Variants in TMEM230 observed in about 807,000 individuals in gnomAD.
The protein encoded by TMEM230 is UPF0414 transmembrane protein C20orf30.
A neutral mutation model predicts 15.8 loss-of-function variants in TMEM230; 10 were observed. That is an observed-to-expected ratio of 0.63 (90% CI 0.39 to 1.07). TMEM230 has a LOEUF of 1.07. TMEM230 is among the 50% of genes least tolerant of loss of function. The pLI, the probability that TMEM230 is intolerant of heterozygous loss-of-function variation, is 0.01. For synonymous variants in TMEM230, 67 were observed against 76.9 expected (o/e 0.87, Z 0.68); for missense variants, 165 against 193.3 (o/e 0.85, Z 0.87).
exon 4 of TMEM230, chr20:5,068,872 C>T (rs1470793946): frequency 4.1e-6 from 1 of 246,178 alleles, no homozygotes; most frequent in East Asian, 1.1e-4. Flanking sequence ...TCTTCAGCAT[C>T]GCTCTCAGTA....
downstream of TMEM230, among the ~76,000 whole-genome samples, chr20:5,063,752 A>T (rs530850005): frequency 6.6e-6 from 1 of 152,288 alleles, no homozygotes; most frequent in African/African-American, 2.4e-5. Flanking sequence ...GTATTCTCTG[A>T]CCATGATGAA....
At position 5,106,224 on chromosome 20, in the gene TMEM230, T is replaced by C. The variant is rs148033002; in HGVS notation, c.375A>G (p.Ile125Met). ...TGTAGCCTGACAGCAGGAGGGAGCC[T>C]ATAATAATGAGAAAGGCGCCAATCA... The change falls in exon 4 of 5, where the codon ATA (isoleucine) becomes ATG (methionine). Residue 125 changes from isoleucine (I) to methionine (M), a missense_variant. Transcript: ENST00000342308. The C allele has an allele frequency of 1.0e-3, 1,674 of 1,613,916 alleles. 1 individual carries two copies. The highest frequency in any genetic ancestry group is 9.0e-4 in the Non-Finnish European group (1,065 of 1,179,934).
downstream of TMEM230, among the ~76,000 whole-genome samples, chr20:5,098,774 T>C (rs1018463778): frequency 1.3e-5 from 2 of 151,628 alleles, no homozygotes; most frequent in South Asian, 2.1e-4. Flanking sequence ...CTGATCTCCA[T>C]GGATATGGAA....
chr20:5,110,903 C>T (rs1468647800), intron 2 of TMEM230, among the ~76,000 whole-genome samples: 3 of 152,050 alleles, frequency 2.0e-5, no homozygotes, highest in Admixed American at 6.5e-5. Context: ...ATTAATAGGC[C>T]GGGCGTGATA....
chr20:5,097,511 C>T (rs1452960500), downstream of TMEM230, among the ~76,000 whole-genome samples: 1 of 152,194 alleles, frequency 6.6e-6, no homozygotes, highest in South Asian at 2.1e-4. Flanking sequence ...TGACAACTGA[C>T]CACGGTTCCC....
chr20:5,069,664 C>T (rs2088761780), intron 3 of TMEM230, among the ~76,000 whole-genome samples: 1 of 151,958 alleles, frequency 6.6e-6, no homozygotes, highest in African/African-American at 2.4e-5. Flanking sequence ...TTTCCTCTCC[C>T]CTTTCCTTTC....
chr20:5,081,864 CTTTTTTTTCTTT>C (rs2089185673), intron 3 of TMEM230, among the ~76,000 whole-genome samples: 1 of 140,332 alleles, frequency 7.1e-6, no homozygotes, highest in African/African-American at 3.0e-5. Context: ...CACTGATTTT[CTTTTTTTTCTTT>C]TTTTTTTTTT....
At chr20:5,099,227 T>C (rs1292342655), downstream of TMEM230, among the ~76,000 whole-genome samples, 1 of 84,644 alleles carries the variant, frequency 1.2e-5, no homozygotes, top group Admixed American at 1.2e-4. Context: ...AATAAATAAA[T>C]AAATAAATCA....
Position 5,111,607 on chromosome 20 carries a change from TAAAAAAAAAAAAAAAAAAAAAAAA to T in TMEM230, c.69-26_69-3del, listed in dbSNP as rs758119588. ...CTGGGCGACAGAACTAGACTCCATC[TAAAAAAAAAAAAAAAAAAAAAAAA>T]AAAAAAAAAAAAAAAATTCAGTATT... On this transcript the variant is annotated splice_region_variant and splice_polypyrimidine_tract_variant and intron_variant, in intron 1 of 4. Coordinates refer to ENST00000342308, the MANE Select transcript of TMEM230 (RefSeq NM_001009923.2). The T allele has an allele frequency of 0.45, 27,085 of 59,592 alleles. 3,427 individuals carry two copies. Among genetic ancestry groups the T allele is most frequent in the African/African-American group, 0.48 (7,558 of 15,682 alleles). The allele number at this position is 59,592 out of a possible 1,614,324, so 3.7% of individuals were successfully genotyped here. A position where few individuals can be genotyped will look rare whatever the true frequency, so the allele number is the denominator to read the frequency against.
At chr20:5,096,038 G>C (rs1010874957), downstream of TMEM230, among the ~76,000 whole-genome samples, 1 of 152,188 alleles carries the variant, frequency 6.6e-6, no homozygotes, top group Admixed American at 6.5e-5. Context: ...AAGGGCCAGG[G>C]GCCTGAGACC....
At chr20:5,069,899 G>A (rs1026518836) in intron 3 of TMEM230, among the ~76,000 whole-genome samples, 1 of 152,116 alleles carries the variant, frequency 6.6e-6, no homozygotes, top group Non-Finnish European at 1.5e-5. Flanking sequence ...TAGGAGAGAC[G>A]GGGTTTCACC....
chr20:5,082,980 T>C (rs949258215), intron 3 of TMEM230, among the ~76,000 whole-genome samples: 28 of 151,216 alleles, frequency 1.9e-4, no homozygotes, highest in African/African-American at 6.6e-4. Context: ...CAGGCTGTAG[T>C]GCAATGGCGC....
chr20:5,084,278 T>G (rs902905002), intron 3 of TMEM230, among the ~76,000 whole-genome samples: 3 of 150,612 alleles, frequency 2.0e-5, no homozygotes, highest in African/African-American at 7.3e-5. Context: ...GGCTGGAGTG[T>G]AGTGGCACAA....
chr20:5,090,641 T>C (rs2089481298), intron 3 of TMEM230, among the ~76,000 whole-genome samples: 1 of 152,164 alleles, frequency 6.6e-6, no homozygotes, highest in African/African-American at 2.4e-5. Context: ...CTAAAAGTTG[T>C]GTCAGAAGGA....
intron 3 of TMEM230, among the ~76,000 whole-genome samples, chr20:5,070,908 C>T (rs1407795633): frequency 6.6e-6 from 1 of 152,150 alleles, no homozygotes; most frequent in Non-Finnish European, 1.5e-5. Context: ...CACAGCACCA[C>T]TCCTGATTAA....
downstream of TMEM230, chr20:5,068,315 T>C (rs1203584726): frequency 6.6e-6 from 1 of 152,234 alleles, no homozygotes; most frequent in East Asian, 1.9e-4. Context: ...AGCTTTTCTA[T>C]TAATGGCTGT....
chr20:5,108,007 G>C (rs1055732692), intron 3 of TMEM230, among the ~76,000 whole-genome samples: 2 of 151,820 alleles, frequency 1.3e-5, no homozygotes, highest in African/African-American at 4.8e-5. Flanking sequence ...CCAGCTACTA[G>C]GGAGGCTGAG....
At chr20:5,062,808 C>G in the TMEM230 span, among the ~76,000 whole-genome samples, 1 of 152,026 alleles carries the variant, frequency 6.6e-6, no homozygotes, top group Non-Finnish European at 1.5e-5. Flanking sequence ...CTAAACAGAA[C>G]TGTATATTAC....
At position 5,099,988 on chromosome 20, in the gene TMEM230, T is replaced by C. The variant is rs991853498; in HGVS notation, c.*803A>G. The C allele has an allele frequency of 2.0e-6, 2 of 985,302 alleles. No individual in the cohort carries two copies. The highest frequency in any genetic ancestry group is 1.2e-4 in the Admixed American group (2 of 16,254). 61.0% of individuals were successfully genotyped at this position (985,302 alleles called of 1,614,324 possible). ...GTCCTCTAGGCATCCAGGCTGATCC[T>C]TGGAATCATGAGCAGAATGATGACA... On this transcript the variant is annotated 3_prime_UTR_variant, in exon 5 of 5. Transcript: ENST00000342308.
Sources: gnomAD v4.1 joint callset for allele counts (sites outside exome capture counted in the v4.1 genomes callset) on GRCh38, gnomAD v4.1.1 for gene constraint, MANE v1.5 for transcripts, NCBI Gene and HGNC (gene_info 2026-07-23, HGNC 2026-07-21) for gene names.